The following ZFR variants were observed in gnomAD, a reference collection of about 807,000 sequenced individuals.
ZFR encodes zinc finger RNA binding protein.
In ZFR, 19 loss-of-function variants were observed where a neutral mutation model predicts 130.7. That is an observed-to-expected ratio of 0.15 (90% confidence interval 0.10 to 0.21). ZFR has a LOEUF of 0.21. ZFR is among the 10% of genes least tolerant of loss of function. ZFR has a pLI of 1.00. For missense variants in ZFR, 872 were observed against 1,321.5 expected, an observed-to-expected ratio of 0.66 and a Z score of 5.27; for synonymous variants, 466 against 456.9, an observed-to-expected ratio of 1.02 and a Z score of -0.25.
chr5:32,358,244 C>A (rs1467804225), intron 19 of ZFR, among the ~76,000 whole-genome samples: 1 of 152,152 alleles, frequency 6.6e-6, no homozygotes, highest in African/African-American at 2.4e-5. Flanking sequence ...GTAGTCCCAG[C>A]TACTTTGGAG....
At chr5:32,439,807 A>AAAAAT (rs1754420790) in intron 2 of ZFR, among the ~76,000 whole-genome samples, 1 of 137,104 alleles carries the variant, frequency 7.3e-6, no homozygotes, top group African/African-American at 3.4e-5. Context: ...ATGTCTTTAA[A>AAAAAT]AAAAAAAAAA....
chr5:32,433,344 G>T (rs546286612), intron 2 of ZFR, among the ~76,000 whole-genome samples: 2 of 152,042 alleles, frequency 1.3e-5, no homozygotes, highest in African/African-American at 2.4e-5. Context: ...TAGTAAACCC[G>T]AATTTTTATT....
intron 9 of ZFR, 99 bp from the exon 10 acceptor site, chr5:32,397,437 G>A (rs1036097580): frequency 6.9e-7 from 1 of 1,439,568 alleles, no homozygotes; most frequent in Non-Finnish European, 9.4e-7. Context: ...CAGTTAGAAA[G>A]AAGTGGCAAT....
At chr5:32,380,247 T>C (rs2111708870) in intron 15 of ZFR, 75 bp from the exon 16 acceptor site, 1 of 1,071,180 alleles carries the variant, frequency 9.3e-7, no homozygotes, top group Non-Finnish European at 1.4e-6. Flanking sequence ...TTCCTTAAGG[T>C]AGCATCAGTG....
intron 2 of ZFR, among the ~76,000 whole-genome samples, chr5:32,426,949 G>A (rs1754088127): frequency 6.8e-6 from 1 of 146,544 alleles, no homozygotes; most frequent in South Asian, 2.1e-4. Flanking sequence ...CAAGCCATCT[G>A]TTCACAGATG....
At chr5:32,360,030 G>C (rs1369595926) in intron 19 of ZFR, among the ~76,000 whole-genome samples, 3 of 151,854 alleles carry the variant, frequency 2.0e-5, no homozygotes, top group East Asian at 1.9e-4. Flanking sequence ...GTGTATGTAA[G>C]AATATCTTTG....
intron 2 of ZFR, among the ~76,000 whole-genome samples, chr5:32,421,768 A>C (rs1379045421): frequency 6.6e-6 from 1 of 152,172 alleles, no homozygotes; most frequent in East Asian, 1.9e-4. Flanking sequence ...AACTCATAGA[A>C]TTTCTATCTG....
intron 2 of ZFR, among the ~76,000 whole-genome samples, chr5:32,428,062 G>C (rs902540812): frequency 1.3e-5 from 2 of 152,134 alleles, no homozygotes; most frequent in African/African-American, 4.8e-5. Flanking sequence ...ATTTGGCAAT[G>C]ATTTATTGGA....
rs772175973 is a variant in ZFR at position 32,387,550 on chromosome 5, G to C, written c.2498C>G (p.Ala833Gly). 3 of 1,611,638 alleles carry C rather than the reference G, an allele frequency of 1.9e-6. No homozygotes were observed. The highest frequency in any genetic ancestry group is 2.5e-6 in the Non-Finnish European group (3 of 1,178,862). Residue 833 changes from alanine to glycine, a missense_variant and splice_region_variant, in exon 14 of 20, where the codon GCT (alanine) becomes GGT (glycine). Ala to Gly is a moderately conservative substitution (Grantham distance 60). Coordinates refer to ENST00000265069, the MANE Select transcript of ZFR (RefSeq NM_016107.5). Reference protein sequence around the residue: ...RIAENLPKQLAVISPEKYDIK... With the variant: ...RIAENLPKQLGVISPEKYDIK... ...AATGAACATTTCCATAATACTTACA[G>C]CAAGCTGTTTGGGTAGGTTTTCTGC... is the stretch of plus-strand genomic sequence containing the variant.
chr5:32,368,568 C>T (rs951866341), intron 17 of ZFR, among the ~76,000 whole-genome samples: 4 of 152,132 alleles, frequency 2.6e-5, no homozygotes, highest in African/African-American at 9.7e-5. Flanking sequence ...TTAATTAGCC[C>T]AGCAATGGCA....
intron 2 of ZFR, among the ~76,000 whole-genome samples, chr5:32,426,079 C>A (rs1428000345): frequency 6.6e-6 from 1 of 152,110 alleles, no homozygotes; most frequent in African/African-American, 2.4e-5. Context: ...ATAAAAACTA[C>A]TAATTACAGT....
intron 5 of ZFR, among the ~76,000 whole-genome samples, chr5:32,414,137 A>G (rs1355980848): frequency 6.6e-6 from 1 of 152,198 alleles, no homozygotes; most frequent in Admixed American, 6.5e-5. Context: ...TTCTAGCCTC[A>G]TCTACTGACA....
intron 2 of ZFR, among the ~76,000 whole-genome samples, chr5:32,441,301 A>G (rs1754467970): frequency 6.6e-6 from 1 of 152,136 alleles, no homozygotes; most frequent in South Asian, 2.1e-4. Context: ...TAGGTGTAGG[A>G]TGTTTACTTT....
intron 2 of ZFR, among the ~76,000 whole-genome samples, chr5:32,440,476 G>A (rs562907014): frequency 1.8e-4 from 28 of 152,026 alleles, no homozygotes; most frequent in African/African-American, 6.0e-4. Context: ...GGTGAAACTC[G>A]TCTGTACTAA....
chr5:32,388,354 G>T, intron 13 of ZFR, 115 bp downstream of exon 13: 1 of 1,005,752 alleles, frequency 9.9e-7, no homozygotes, highest in Non-Finnish European at 1.5e-6. Context: ...CACAGGCATG[G>T]TTAAAACACA....
Position 32,417,380 on chromosome 5 carries a change from GA to G in ZFR, c.565+267del, listed in dbSNP as rs575182278. On this transcript the variant is annotated intron_variant, in intron 4 of 19. Transcript: ENST00000265069. ...TCTGGCAAAGATAAAAATGTGTTCA[GA>G]AGTTATCATCACAGGTTCTTTTGCA... Among the ~76,000 whole-genome samples, 5 of 152,294 alleles carry G rather than the reference GA, an allele frequency of 3.3e-5. No homozygotes were observed. In the South Asian group the frequency reaches 1.0e-3, roughly 32 times the overall value.
At chr5:32,424,790 A>T (rs536364930) in intron 2 of ZFR, among the ~76,000 whole-genome samples, 44 of 152,296 alleles carry the variant, frequency 2.9e-4, no homozygotes, top group African/African-American at 1.0e-3. Context: ...ATAAGATAAA[A>T]CAGTTTTTGC....
rs1394726558 is a variant in ZFR at position 32,397,199 on chromosome 5, A to AT, written c.1833+19dup. On this transcript the variant is annotated intron_variant, in intron 10 of 19. Coordinates refer to ENST00000265069, the MANE Select transcript of ZFR (RefSeq NM_016107.5). Reference sequence around the variant, plus strand: ...TTTGTTTTTTGTTTTAAAGAAGGTAATAGCTGAAATTTTACTCACTTTATA... The same window carrying AT: ...TTTGTTTTTTGTTTTAAAGAAGGTAATTAGCTGAAATTTTACTCACTTTATA... The AT allele has an allele frequency of 1.3e-6, 2 of 1,580,706 alleles. No individual in the cohort carries two copies. Among genetic ancestry groups the AT allele is most frequent in the Admixed American group, 3.8e-5 (2 of 52,718 alleles).
intron 5 of ZFR, among the ~76,000 whole-genome samples, chr5:32,409,662 T>C (rs1338550119): frequency 1.3e-5 from 2 of 152,176 alleles, no homozygotes; most frequent in African/African-American, 4.8e-5. Flanking sequence ...TACCTCGGCC[T>C]CTCCAAGTGC....
Sources: allele counts gnomAD v4.1 joint callset (sites outside exome capture counted in the v4.1 genomes callset), GRCh38; gene constraint gnomAD v4.1.1; transcripts MANE v1.5; gene names NCBI Gene and HGNC (gene_info 2026-07-23, HGNC 2026-07-21).